RAB22A: variants seen among roughly 807,000 people sequenced by gnomAD.
The protein encoded by RAB22A is ras-related protein Rab-22A.
RAB22A carries 13 observed loss-of-function variants against 30.2 expected under a neutral mutation model. That is an observed-to-expected ratio of 0.43 (90% CI 0.28 to 0.68). The LOEUF is 0.68. Among genes scored for constraint, RAB22A ranks in the 30% least tolerant of loss-of-function variants. RAB22A has a pLI of 0.18. For missense variants in RAB22A, 177 were observed against 246.8 expected, an observed-to-expected ratio of 0.72 and a Z score of 1.89; for synonymous variants, 89 against 87.2, an observed-to-expected ratio of 1.02 and a Z score of -0.11.
chr20:58,328,384 A>G (rs192988813), intron 2 of RAB22A, among the ~76,000 whole-genome samples: 220 of 151,966 alleles, frequency 1.4e-3, no homozygotes, highest in African/African-American at 4.6e-3. Flanking sequence ...GGGTCTGGCT[A>G]TGTTGCCCAG....
chr20:58,337,570 A>T (rs1986779691), intron 2 of RAB22A, among the ~76,000 whole-genome samples: 1 of 152,130 alleles, frequency 6.6e-6, no homozygotes, highest in Non-Finnish European at 1.5e-5. Flanking sequence ...CCTGGTAATT[A>T]TCTATTCACC....
chr20:58,319,954 A>T (rs1019648109), intron 2 of RAB22A, among the ~76,000 whole-genome samples: 1 of 152,228 alleles, frequency 6.6e-6, no homozygotes, highest in Non-Finnish European at 1.5e-5. Flanking sequence ...TATTAAACCA[A>T]TCTGGCACTC....
chr20:58,320,309 T>A (rs1986427431), intron 2 of RAB22A, among the ~76,000 whole-genome samples: 1 of 152,256 alleles, frequency 6.6e-6, no homozygotes, highest in African/African-American at 2.4e-5. Context: ...CTATTTCTTC[T>A]TGAGTAAGTT....
intron 2 of RAB22A, among the ~76,000 whole-genome samples, chr20:58,334,087 T>C (rs1295990268): frequency 1.3e-5 from 2 of 152,158 alleles, no homozygotes; most frequent in East Asian, 1.9e-4. Flanking sequence ...TCGCAGCACT[T>C]TGGGAGGCCG....
At chr20:58,338,323 G>T (rs529243710) in intron 2 of RAB22A, among the ~76,000 whole-genome samples, 1 of 152,166 alleles carries the variant, frequency 6.6e-6, no homozygotes, top group Non-Finnish European at 1.5e-5. Flanking sequence ...ACCGTGCCCA[G>T]CCTGTTTAAA....
chr20:58,352,200 C>T (rs764726185), intron 3 of RAB22A, among the ~76,000 whole-genome samples: 20 of 152,046 alleles, frequency 1.3e-4, no homozygotes, highest in Non-Finnish European at 2.2e-4. Context: ...TTAAATTTAT[C>T]GTAAAACTCA....
At position 58,364,547 on chromosome 20, in the gene RAB22A, T is replaced by C. The variant is rs1987281928; in HGVS notation, c.*4844T>C. 6.6e-6 allele frequency: 1 copy of C among 152,146 alleles called. No homozygotes were observed. The highest frequency in any genetic ancestry group is 2.4e-5 in the African/African-American group (1 of 41,432). The allele number at this position is 152,146 out of a possible 1,614,324, so 9.4% of individuals were successfully genotyped here. ...TTAGTATATGGTGAAATTAAAACCG[T>C]GGTGTCTAACAGATTTAACAAAAAG... On this transcript the variant is annotated 3_prime_UTR_variant, in exon 7 of 7. Coordinates refer to ENST00000244040, the MANE Select transcript of RAB22A (RefSeq NM_020673.3).
chr20:58,358,850 A>T (rs911716105), intron 6 of RAB22A, among the ~76,000 whole-genome samples: 1 of 151,518 alleles, frequency 6.6e-6, no homozygotes, highest in African/African-American at 2.4e-5. Flanking sequence ...AGCCGAGATC[A>T]TGCCACTATA....
intron 2 of RAB22A, among the ~76,000 whole-genome samples, chr20:58,333,788 C>A (rs551126100): frequency 4.3e-4 from 66 of 152,300 alleles, no homozygotes; most frequent in Admixed American, 1.2e-3. Flanking sequence ...AGTGCCATGG[C>A]TCACACTTAT....
chr20:58,346,181 C>CT (rs1293408321), intron 3 of RAB22A: 2 of 152,796 alleles, frequency 1.3e-5, no homozygotes, highest in Non-Finnish European at 2.9e-5. Flanking sequence ...TGGCCATTCA[C>CT]TGAGTACTCC....
chr20:58,339,854 A>G (rs1351005380), intron 2 of RAB22A, among the ~76,000 whole-genome samples: 1 of 152,082 alleles, frequency 6.6e-6, no homozygotes, highest in East Asian at 1.9e-4. Flanking sequence ...ACAGGTGAAG[A>G]CCTGACCGTA....
In RAB22A at chr20:58,321,509, T is replaced by C. The variant is rs1600725366; in HGVS notation, c.116+10387T>C. On this transcript the variant is annotated intron_variant, in intron 2 of 6. Coordinates refer to ENST00000244040, the MANE Select transcript of RAB22A (RefSeq NM_020673.3). Reference sequence around the variant, plus strand: ...TAGTAAAGAATGTGCATTCCGCTACTGATGTGTGGAGTATTCTGTAAACGT... The same window carrying C: ...TAGTAAAGAATGTGCATTCCGCTACCGATGTGTGGAGTATTCTGTAAACGT... 2.0e-5 allele frequency among the ~76,000 whole-genome samples: 3 copies of C among 152,248 alleles called. No individual in the cohort carries two copies. The East Asian group carries it at 5.8e-4, about 29-fold the overall frequency.
At chr20:58,311,179 CAT>C in intron 2 of RAB22A, 57 bp downstream of exon 2, 1 of 1,447,822 alleles carries the variant, frequency 6.9e-7, no homozygotes. Flanking sequence ...CTTCCAAATA[CAT>C]AGTGTGTTAC....
chr20:58,348,387 A>G (rs1986987211), intron 3 of RAB22A, among the ~76,000 whole-genome samples: 1 of 152,220 alleles, frequency 6.6e-6, no homozygotes, highest in South Asian at 2.1e-4. Context: ...TAGTCATGTA[A>G]GGAATTGTTC....
At chr20:58,339,518 C>T (rs1986819601) in intron 2 of RAB22A, among the ~76,000 whole-genome samples, 1 of 152,106 alleles carries the variant, frequency 6.6e-6, no homozygotes, top group Non-Finnish European at 1.5e-5. Flanking sequence ...TGTAGTAGTC[C>T]CACTGGAAGA....
At chr20:58,321,123 G>A (rs1002839915) in intron 2 of RAB22A, among the ~76,000 whole-genome samples, 1 of 151,902 alleles carries the variant, frequency 6.6e-6, no homozygotes, top group Non-Finnish European at 1.5e-5. Flanking sequence ...CCTGGAGGCG[G>A]AGGTTGCAGT....
intron 3 of RAB22A, among the ~76,000 whole-genome samples, chr20:58,349,519 G>A (rs927576789): frequency 2.6e-5 from 4 of 152,184 alleles, no homozygotes; most frequent in Admixed American, 1.3e-4. Flanking sequence ...ATTATAAAAT[G>A]CAACAGAAAC....
intron 5 of RAB22A, among the ~76,000 whole-genome samples, 161 bp from the exon 6 acceptor site, chr20:58,353,995 C>A (rs184867167): frequency 5.3e-5 from 8 of 152,202 alleles, no homozygotes; most frequent in Non-Finnish European, 7.4e-5. Flanking sequence ...GTTTGTTTAC[C>A]CATGGATGTG....
At chr20:58,358,302 A>G (rs1017889223) in intron 6 of RAB22A, among the ~76,000 whole-genome samples, 10 of 152,334 alleles carry the variant, frequency 6.6e-5, no homozygotes, top group African/African-American at 2.4e-4. Flanking sequence ...CAGCCTCTTC[A>G]GAGAGTAATT....
Sources: gnomAD v4.1 joint callset for allele counts (sites outside exome capture counted in the v4.1 genomes callset) on GRCh38, gnomAD v4.1.1 for gene constraint, MANE v1.5 for transcripts, NCBI Gene and HGNC (gene_info 2026-07-23, HGNC 2026-07-21) for gene names.